Variants in RTCB observed in about 807,000 individuals in gnomAD.
RTCB encodes RNA 2',3'-cyclic phosphate and 5'-OH ligase, also known as RNA-splicing ligase RTCB.
Under a neutral mutation model 58.2 loss-of-function variants are expected in RTCB, and 32 were observed. The observed-to-expected ratio is 0.55, with a 90% CI of 0.41 to 0.74. RTCB has a LOEUF of 0.74. Ranked by LOEUF, RTCB falls within the 30% of genes least tolerant of loss-of-function variation. RTCB has a pLI of 0.00. For synonymous variants in RTCB, 247 were observed against 218.6 expected, an observed-to-expected ratio of 1.13 and a Z score of -1.15; for missense variants, 523 against 639.0, an observed-to-expected ratio of 0.82 and a Z score of 1.96.
At chr22:32,389,872 A>G (rs73168706) in intron 11 of RTCB, among the ~76,000 whole-genome samples, 8,701 of 152,240 alleles carry the variant, frequency 0.057, 268 homozygotes, top group South Asian at 0.096. Context: ...AAAAGTCCAA[A>G]TGCTCTGGCG....
intron 1 of RTCB, among the ~76,000 whole-genome samples, chr22:32,410,358 G>A (rs1465837657): frequency 6.6e-6 from 1 of 152,132 alleles, no homozygotes; most frequent in Non-Finnish European, 1.5e-5. Context: ...AGTGTTTTAA[G>A]GGAATAAAGA....
intron 7 of RTCB, among the ~76,000 whole-genome samples, chr22:32,397,532 C>T (rs1316870895): frequency 1.3e-5 from 2 of 152,192 alleles, no homozygotes; most frequent in African/African-American, 4.8e-5. Context: ...ATCAGCAAAT[C>T]CACCATCACA....
intron 9 of RTCB, among the ~76,000 whole-genome samples, chr22:32,394,321 C>T (rs1055556618): frequency 5.3e-5 from 8 of 152,204 alleles, no homozygotes; most frequent in Admixed American, 1.3e-4. Flanking sequence ...CCATGTTAGC[C>T]AGGATGGTCT....
At chr22:32,399,535 T>C (rs947658190) in intron 6 of RTCB, 68 bp downstream of exon 6, 2 of 1,415,846 alleles carry the variant, frequency 1.4e-6, no homozygotes, top group African/African-American at 1.4e-5. Context: ...AAGATATAGA[T>C]TTTTTTCCCC....
At chr22:32,392,746 C>T (rs1403320422) in intron 10 of RTCB, among the ~76,000 whole-genome samples, 5 of 152,058 alleles carry the variant, frequency 3.3e-5, no homozygotes, top group Admixed American at 6.6e-5. Flanking sequence ...TGGGAGGCAG[C>T]TAGAAATGAG....
At chr22:32,411,045 G>A (rs532546519) in intron 1 of RTCB, among the ~76,000 whole-genome samples, 3 of 152,080 alleles carry the variant, frequency 2.0e-5, no homozygotes, top group South Asian at 4.1e-4. Flanking sequence ...TCAGGGTAAC[G>A]GTTTCCACAC....
chr22:32,408,600 T>A (rs1033462466), intron 2 of RTCB, among the ~76,000 whole-genome samples, 155 bp downstream of exon 2: 4 of 152,242 alleles, frequency 2.6e-5, no homozygotes, highest in African/African-American at 9.6e-5. Context: ...TGGCTGACAA[T>A]GTGATCACAA....
intron 4 of RTCB, among the ~76,000 whole-genome samples, chr22:32,402,440 G>C (rs1933352148): frequency 6.6e-6 from 1 of 152,046 alleles, no homozygotes. Flanking sequence ...CAAAATTTTA[G>C]ACATAAGTAC....
At chr22:32,396,001 G>C in intron 8 of RTCB, 73 bp downstream of exon 8, 1 of 1,488,790 alleles carries the variant, frequency 6.7e-7, no homozygotes, top group Non-Finnish European at 9.2e-7. Flanking sequence ...TGTCCAGCCT[G>C]GACTGCACTA....
intron 4 of RTCB, among the ~76,000 whole-genome samples, chr22:32,406,179 T>C (rs1162110452): frequency 6.6e-6 from 1 of 152,220 alleles, no homozygotes; most frequent in Non-Finnish European, 1.5e-5. Context: ...AAATATGCTT[T>C]GCTTGAAGTT....
Position 32,395,034 on chromosome 22 carries a change from C to T in RTCB, c.1171G>A (p.Asp391Asn), listed in dbSNP as rs1466683276. 1 of 1,613,066 alleles carries T rather than the reference C, an allele frequency of 6.2e-7. No individual in the cohort carries two copies. The highest frequency in any genetic ancestry group is 8.5e-7 in the Non-Finnish European group (1 of 1,179,284). ...FPPHHPLIAV[D>N]YQLTGQPVLI... The stretch of plus-strand genomic sequence containing the variant: ...AACGTAGAGCTACGTACTTGGTAAT[C>T]AACAGCAATGAGGGGATGGTGAGGA... Residue 391 changes from aspartate to asparagine, a missense_variant, in exon 9 of 12, where the codon GAT becomes AAT. This residue lies in a region of RTCB where 248 missense variants were observed against 292.5 expected (regional missense o/e 0.85). Coordinates refer to ENST00000216038, the MANE Select transcript of RTCB (RefSeq NM_014306.5).
intron 11 of RTCB, 151 bp downstream of exon 11, chr22:32,392,089 T>A (rs5994562): frequency 0.56 from 384,631 of 688,980 alleles, 110,854 homozygotes; most frequent in African/African-American, 0.85. Context: ...AATAAGCTAA[T>A]CCAAGGAAGA....
At chr22:32,401,433 G>A (rs1933334664) in intron 5 of RTCB, 1 of 197,288 alleles carries the variant, frequency 5.1e-6, no homozygotes, top group African/African-American at 2.3e-5. Flanking sequence ...TTGTAAGTTA[G>A]GGAAGATAAT....
chr22:32,396,035 C>T, intron 8 of RTCB, 39 bp downstream of exon 8: 1 of 1,602,550 alleles, frequency 6.2e-7, no homozygotes, highest in East Asian at 2.2e-5. Context: ...TTAACATCAT[C>T]ATGAATGACT....
chr22:32,390,250 A>G (rs1214213622), intron 11 of RTCB, among the ~76,000 whole-genome samples: 1 of 152,232 alleles, frequency 6.6e-6, no homozygotes, highest in Non-Finnish European at 1.5e-5. Context: ...TGTTCACTGC[A>G]GTATCTCTAG....
rs575120663 is a variant in RTCB at position 32,408,875 on chromosome 22, G to A, written c.94-42C>T. 2.3e-5 allele frequency: 32 copies of A among 1,411,358 alleles called. No individual in the cohort carries two copies. In the Middle Eastern group the frequency reaches 5.3e-4, roughly 23 times the overall value. 87.4% of individuals were successfully genotyped at this position (1,411,358 alleles called of 1,614,324 possible). On this transcript the variant is annotated intron_variant, in intron 1 of 11. Coordinates refer to ENST00000216038, the MANE Select transcript of RTCB (RefSeq NM_014306.5). ...TGAAAAGCAATGTCTGAGTACATGCGCGGCAAGTGTAGGCACTGGACAGAA... is the reference window on the plus strand; with the variant it reads ...TGAAAAGCAATGTCTGAGTACATGCACGGCAAGTGTAGGCACTGGACAGAA...
Position 32,399,681 on chromosome 22 carries a change from G to A in RTCB, c.576C>T (p.His192=), listed in dbSNP as rs144715103. ...EGYAWAEDKE[H]CEEYGRMLQA... is the part of the protein sequence containing the mutation. The stretch of plus-strand genomic sequence containing the variant: ...GCAGCATCCTTCCGTACTCCTCGCA[G>A]TGCTCCTTGTCTTCAGCCCAGGCAT... Residue 192 remains histidine (H), a synonymous_variant, in exon 6 of 12, where the codon CAC becomes CAT. Transcript: ENST00000216038. 102 of 1,614,058 alleles carry A rather than the reference G, an allele frequency of 6.3e-5. No individual in the cohort carries two copies. In the African/African-American group the frequency reaches 1.2e-3, roughly 18 times the overall value.
At chr22:32,409,201 T>TTA in intron 1 of RTCB, among the ~76,000 whole-genome samples, 1 of 149,482 alleles carries the variant, frequency 6.7e-6, no homozygotes, top group African/African-American at 2.4e-5. Context: ...TTTTGAAAAT[T>TTA]AAAAAAAAAA....
intron 4 of RTCB, among the ~76,000 whole-genome samples, chr22:32,405,612 A>G (rs1569442754): frequency 6.6e-6 from 1 of 152,166 alleles, no homozygotes; most frequent in Non-Finnish European, 1.5e-5. Flanking sequence ...TAGGGCTCAC[A>G]TATCTGGAAC....
Sources: gnomAD v4.1 joint callset for allele counts (sites outside exome capture counted in the v4.1 genomes callset) on GRCh38, gnomAD v4.1.1 for gene constraint, gnomAD v4.1.1 regional missense constraint, MANE v1.5 for transcripts, NCBI Gene and HGNC (gene_info 2026-07-23, HGNC 2026-07-21) for gene names.